GP2: variants seen among roughly 807,000 people sequenced by gnomAD.
GP2 encodes glycoprotein 2.
A neutral mutation model predicts 60.8 loss-of-function variants in GP2; 58 were observed. That is an observed-to-expected ratio of 0.95 (90% CI 0.77 to 1.19). The LOEUF (loss-of-function observed/expected upper bound fraction) is 1.19. Among genes scored for constraint, GP2 ranks in the 50% most tolerant of loss-of-function variants. The pLI, the probability that GP2 is intolerant of heterozygous loss-of-function variation, is 0.00. For synonymous variants in GP2, 280 were observed against 253.4 expected (o/e 1.10, Z -1.00); for missense variants, 647 against 667.4 (o/e 0.97, Z 0.34).
At position 20,309,985 on chromosome 16, in the gene GP2, G is replaced by A. The variant is rs1963953667; in HGVS notation, c.*1238C>T. The stretch of plus-strand genomic sequence containing the variant: ...TGTGTCTCTGAGGCCAACTTTGCGA[G>A]GCCTTATCTGTAGCTGTGGGAAGGG... On this transcript the variant is annotated 3_prime_UTR_variant, in exon 11 of 11. Transcript: ENST00000302555. The A allele has an allele frequency of 6.6e-6, 1 of 152,196 alleles. No individual in the cohort carries two copies. Among genetic ancestry groups the A allele is most frequent in the Admixed American group, 6.5e-5 (1 of 15,276 alleles). The allele number at this position is 152,196 out of a possible 1,614,324, so 9.4% of individuals were successfully genotyped here.
intron 1 of GP2, chr16:20,326,671 A>G (rs1410572417): frequency 4.0e-6 from 2 of 502,494 alleles, no homozygotes; most frequent in Non-Finnish European, 7.1e-6. Context: ...AGAATGTCCT[A>G]GAAAGGTCTC....
chr16:20,314,671 G>C lies in GP2; in HGVS notation c.1532C>G (p.Thr511Ser), dbSNP rs200472191. The change falls in exon 10 of 11, where the codon ACC becomes AGC. Residue 511 changes from threonine (T) to serine (S), a missense_variant. Coordinates refer to ENST00000302555, the MANE Select transcript of GP2 (RefSeq NM_001502.4). ...GAQSPGVMNGTPSTAGFLVAW... is the reference protein window; with the variant it reads ...GAQSPGVMNGSPSTAGFLVAW... ...AAATGATGTACCTGCAGTGCTAGGG[G>C]TTCCATTCATGACACCGGGAGACTG... The C allele has an allele frequency of 2.9e-5, 47 of 1,603,086 alleles. No individual in the cohort carries two copies. In the East Asian group the frequency reaches 8.9e-4, roughly 30 times the overall value.
chr16:20,316,101 G>T lies in GP2; in HGVS notation c.1417-61C>A, dbSNP rs1964158206. The T allele has an allele frequency of 1.1e-5, 12 of 1,084,326 alleles. No individual in the cohort carries two copies. In the South Asian group the frequency reaches 1.3e-4, roughly 11 times the overall value. 67.2% of individuals were successfully genotyped at this position (1,084,326 alleles called of 1,614,324 possible). ...TAAATGCCTGGATTCTATCTAGACT[G>T]CTCCTACAATGGGCAGCTCTGGACC... On this transcript the variant is annotated intron_variant, in intron 8 of 10. Coordinates refer to ENST00000302555, the MANE Select transcript of GP2 (RefSeq NM_001502.4).
In GP2 at chr16:20,327,512, A is replaced by C; in HGVS notation, c.-82T>G. ...GTTCCTCCTCTGGCCAGCCATGGGAATGCAGCCTGCTGTGGGCCGTCTTTT... is the reference window on the plus strand; with the variant it reads ...GTTCCTCCTCTGGCCAGCCATGGGACTGCAGCCTGCTGTGGGCCGTCTTTT... On this transcript the variant is annotated 5_prime_UTR_variant, in exon 1 of 11. Transcript: ENST00000302555. The C allele has an allele frequency of 7.8e-7, 1 of 1,288,742 alleles. No homozygotes were observed. Among genetic ancestry groups the C allele is most frequent in the Non-Finnish European group, 1.0e-6 (1 of 988,328 alleles). The allele number at this position is 1,288,742 out of a possible 1,614,324, so 79.8% of individuals were successfully genotyped here.
intron 6 of GP2, 121 bp downstream of exon 6, chr16:20,319,499 T>G (rs1194575455): frequency 1.5e-6 from 1 of 686,688 alleles, no homozygotes; most frequent in East Asian, 2.5e-5. Context: ...AATGACTGAA[T>G]GACTGGAGGC....
Position 20,322,935 on chromosome 16 carries a change from C to A in GP2, c.580G>T (p.Glu194Ter). The A allele has an allele frequency of 6.2e-7, 1 of 1,613,278 alleles. No homozygotes were observed. Among genetic ancestry groups the A allele is most frequent in the Non-Finnish European group, 8.5e-7 (1 of 1,179,270 alleles). ...EDKCEKACRP[E>*]EECLALNSTW... ...CTGTTGAGGGCAAGGCACTCCTCCTCGGGGCGGCAGGCCTTCTCACACTTG... is the reference window on the plus strand; with the variant it reads ...CTGTTGAGGGCAAGGCACTCCTCCTAGGGGCGGCAGGCCTTCTCACACTTG... Residue 194 changes from glutamate (E) to a stop codon, truncating the protein, a stop_gained, in exon 4 of 11, where the codon GAG (glutamate) becomes TAG (stop). Coordinates refer to ENST00000302555, the MANE Select transcript of GP2 (RefSeq NM_001502.4). LOFTEE classifies it high-confidence loss of function.
At chr16:20,323,487 C>G in intron 3 of GP2, 5 of 253,174 alleles carry the variant, frequency 2.0e-5, no homozygotes, top group South Asian at 5.8e-5. Context: ...TTTGCTGTAC[C>G]CCCCCCCCCT....
At chr16:20,320,993 C>A (rs1167144779) in intron 4 of GP2, among the ~76,000 whole-genome samples, 2 of 151,412 alleles carry the variant, frequency 1.3e-5, no homozygotes, top group African/African-American at 4.9e-5. Context: ...CTATTGCATT[C>A]ATTAATGCAT....
chr16:20,326,797 T>C (rs1489457900), intron 1 of GP2: 1 of 212,050 alleles, frequency 4.7e-6, no homozygotes, highest in African/African-American at 2.3e-5. Flanking sequence ...TTCTTAGTTT[T>C]ATGCATTGGG....
chr16:20,320,520 G>T (rs191635763), intron 4 of GP2, 47 bp from the exon 5 acceptor site: 2 of 1,274,592 alleles, frequency 1.6e-6, no homozygotes, highest in Admixed American at 1.8e-5. Context: ...GAGTCTGGAA[G>T]CCCACTTTCC....
Position 20,310,740 on chromosome 16 carries a change from C to T in GP2, c.*483G>A, listed in dbSNP as rs1963970403. Reference sequence around the variant, plus strand: ...CGAGGACAGATTGACAGAAACCCCACTATGTTGCTTTTCTTTTTTTTTTTT... The same window carrying T: ...CGAGGACAGATTGACAGAAACCCCATTATGTTGCTTTTCTTTTTTTTTTTT... On this transcript the variant is annotated 3_prime_UTR_variant, in exon 11 of 11. Coordinates refer to ENST00000302555, the MANE Select transcript of GP2 (RefSeq NM_001502.4). 6.5e-6 allele frequency: 1 copy of T among 152,816 alleles called. No homozygotes were observed. Among genetic ancestry groups the T allele is most frequent in the South Asian group, 2.1e-4 (1 of 4,802 alleles). 9.5% of individuals were successfully genotyped at this position (152,816 alleles called of 1,614,324 possible).
At chr16:20,312,273 A>C (rs1042297727) in intron 10 of GP2, among the ~76,000 whole-genome samples, 6 of 152,164 alleles carry the variant, frequency 3.9e-5, no homozygotes, top group Non-Finnish European at 8.8e-5. Context: ...CATACTACCA[A>C]ATTGTAAAAT....
At chr16:20,317,138 A>T in intron 8 of GP2, 75 bp downstream of exon 8, 1 of 558,878 alleles carries the variant, frequency 1.8e-6, no homozygotes, top group Non-Finnish European at 2.7e-6. Context: ...AATTCCAATA[A>T]ATATATATGG....
intron 10 of GP2, among the ~76,000 whole-genome samples, chr16:20,314,301 T>C (rs1964089410): frequency 1.3e-5 from 2 of 151,956 alleles, no homozygotes; most frequent in African/African-American, 4.8e-5. Flanking sequence ...TTCTTTTTTT[T>C]TTAAGGCATT....
intron 7 of GP2, 64 bp downstream of exon 7, chr16:20,318,121 T>G: frequency 3.7e-4 from 501 of 1,344,680 alleles, no homozygotes; most frequent in Non-Finnish European, 4.9e-4. Flanking sequence ...TGGGGATGGA[T>G]GAGATGAACA....
intron 9 of GP2, among the ~76,000 whole-genome samples, chr16:20,315,716 C>T (rs1399166595): frequency 6.6e-6 from 1 of 152,178 alleles, no homozygotes; most frequent in African/African-American, 2.4e-5. Context: ...TGGACATAGG[C>T]ATGGGAGGAT....
intron 4 of GP2, among the ~76,000 whole-genome samples, chr16:20,322,218 C>T (rs1272474115): frequency 6.6e-6 from 1 of 152,184 alleles, no homozygotes; most frequent in Non-Finnish European, 1.5e-5. Flanking sequence ...GTGCCAAAGG[C>T]AAGATCAAAG....
chr16:20,327,240 C>G (rs2141615409), intron 1 of GP2: 1 of 329,946 alleles, frequency 3.0e-6, no homozygotes, highest in East Asian at 7.7e-5. Flanking sequence ...GTGGGAATAT[C>G]TGGGACAAGG....
Position 20,314,659 on chromosome 16 carries a change from G to T in GP2, c.1544C>A (p.Ala515Glu). Residue 515 changes from alanine (A) to glutamate (E), a missense_variant and splice_region_variant, in exon 10 of 11, where the codon GCA becomes GAA. Ala to Glu is a moderately radical substitution (Grantham distance 107). Transcript: ENST00000302555. ...AAAGGCATGAGAAAATGATGTACCT[G>T]CAGTGCTAGGGGTTCCATTCATGAC... The part of the protein sequence containing the change: ...PGVMNGTPST[A>E]GFLVAWPMVL... The T allele has an allele frequency of 6.3e-7, 1 of 1,589,420 alleles. No homozygotes were observed. Among genetic ancestry groups the T allele is most frequent in the Non-Finnish European group, 8.6e-7 (1 of 1,157,470 alleles).
Sources: allele counts gnomAD v4.1 joint callset (sites outside exome capture counted in the v4.1 genomes callset), GRCh38; gene constraint gnomAD v4.1.1; transcripts MANE v1.5; gene names NCBI Gene and HGNC (gene_info 2026-07-23, HGNC 2026-07-21).